The following ATXN1 variants were observed in gnomAD, a reference collection of about 807,000 sequenced individuals.
The protein encoded by ATXN1 is ataxin-1.
A neutral mutation model predicts 56.4 loss-of-function variants in ATXN1; 8 were observed. The observed-to-expected ratio is 0.14, with a 90% CI of 0.08 to 0.26. The LOEUF is 0.26. ATXN1 is among the 10% of genes least tolerant of loss of function. ATXN1 has a pLI of 1.00. For missense variants in ATXN1, 987 were observed against 1,106.5 expected, an observed-to-expected ratio of 0.89 and a Z score of 1.53; for synonymous variants, 514 against 494.6, an observed-to-expected ratio of 1.04 and a Z score of -0.52.
At chr6:16,362,871 A>T (rs1473622267) in intron 6 of ATXN1, among the ~76,000 whole-genome samples, 1 of 152,232 alleles carries the variant, frequency 6.6e-6, no homozygotes, top group Non-Finnish European at 1.5e-5. Flanking sequence ...TAGGAATAAT[A>T]ACAGCTAATA....
At chr6:16,545,681 AT>A (rs1287981312) in intron 4 of ATXN1, among the ~76,000 whole-genome samples, 2 of 152,212 alleles carry the variant, frequency 1.3e-5, no homozygotes, top group Non-Finnish European at 2.9e-5. Context: ...CAGTTTCAAA[AT>A]AGGACCTAAA....
chr6:16,680,815 G>A (rs1454578251), intron 2 of ATXN1, among the ~76,000 whole-genome samples: 1 of 152,082 alleles, frequency 6.6e-6, no homozygotes, highest in Non-Finnish European at 1.5e-5. Context: ...CCCCTCTTTA[G>A]GACTAAACAG....
chr6:16,370,515 A>G (rs1404631035), intron 6 of ATXN1, among the ~76,000 whole-genome samples: 2 of 152,226 alleles, frequency 1.3e-5, no homozygotes, highest in Non-Finnish European at 2.9e-5. Flanking sequence ...ACAATGCACA[A>G]CTAAGATAGC....
chr6:16,394,318 G>A (rs894269143), intron 6 of ATXN1, among the ~76,000 whole-genome samples: 7 of 152,020 alleles, frequency 4.6e-5, no homozygotes, highest in African/African-American at 7.2e-5. Flanking sequence ...ATTTTTTCCC[G>A]AACCCTTAAG....
At chr6:16,518,216 C>T (rs1661419914) in intron 5 of ATXN1, among the ~76,000 whole-genome samples, 1 of 152,168 alleles carries the variant, frequency 6.6e-6, no homozygotes, top group Non-Finnish European at 1.5e-5. Context: ...AAGGAAACGC[C>T]ACGCCCCACC....
intron 5 of ATXN1, among the ~76,000 whole-genome samples, chr6:16,493,428 C>G (rs1309263207): frequency 6.6e-6 from 1 of 150,388 alleles, no homozygotes; most frequent in East Asian, 1.9e-4. Flanking sequence ...TCTTATTCTA[C>G]AACTTTCTCA....
intron 7 of ATXN1, among the ~76,000 whole-genome samples, chr6:16,309,786 C>A (rs1202893182): frequency 6.6e-6 from 1 of 152,090 alleles, no homozygotes; most frequent in Non-Finnish European, 1.5e-5. Context: ...GTAATCCCAG[C>A]ACTTTGGGAG....
intron 6 of ATXN1, among the ~76,000 whole-genome samples, chr6:16,343,727 TG>T: frequency 6.6e-6 from 1 of 152,122 alleles, no homozygotes; most frequent in Non-Finnish European, 1.5e-5. Context: ...TGGAAAACCT[TG>T]ACGATGCGCG....
chr6:16,654,250 G>C (rs1169543996), intron 3 of ATXN1, among the ~76,000 whole-genome samples: 1 of 152,134 alleles, frequency 6.6e-6, no homozygotes, highest in Non-Finnish European at 1.5e-5. Flanking sequence ...AGTTCATAAA[G>C]AGAGACTGCT....
intron 2 of ATXN1, among the ~76,000 whole-genome samples, chr6:16,747,537 A>G (rs1167532156): frequency 6.6e-6 from 1 of 152,184 alleles, no homozygotes; most frequent in East Asian, 1.9e-4. Flanking sequence ...ATAAAAATGC[A>G]TCACATATGA....
At chr6:16,395,991 G>A (rs1348879629) in intron 6 of ATXN1, among the ~76,000 whole-genome samples, 2 of 137,684 alleles carry the variant, frequency 1.5e-5, no homozygotes, top group Non-Finnish European at 3.1e-5. Context: ...CTCCAGCCTG[G>A]TGACAGAGCG....
At chr6:16,451,719 C>T (rs1173718782) in intron 6 of ATXN1, among the ~76,000 whole-genome samples, 2 of 151,852 alleles carry the variant, frequency 1.3e-5, no homozygotes, top group Non-Finnish European at 2.9e-5. Context: ...CGTGCCATTG[C>T]TCTCCAGCGT....
intron 2 of ATXN1, among the ~76,000 whole-genome samples, chr6:16,714,912 G>T (rs1759606424): frequency 2.0e-5 from 3 of 151,524 alleles, no homozygotes; most frequent in Admixed American, 2.0e-4. Flanking sequence ...ACAGAAACTG[G>T]CTTCCCTACA....
chr6:16,616,365 C>A (rs967524095), intron 3 of ATXN1, among the ~76,000 whole-genome samples: 2 of 151,316 alleles, frequency 1.3e-5, no homozygotes, highest in African/African-American at 2.4e-5. Flanking sequence ...CATGGTGAAA[C>A]CCTGTCTCTA....
intron 6 of ATXN1, among the ~76,000 whole-genome samples, chr6:16,393,265 AT>A (rs1242539807): frequency 6.6e-6 from 1 of 151,548 alleles, no homozygotes; most frequent in Non-Finnish European, 1.5e-5. Context: ...GTATATATTT[AT>A]TTTTTTTAGA....
At chr6:16,471,388 T>C (rs758875979) in intron 6 of ATXN1, among the ~76,000 whole-genome samples, 1 of 152,208 alleles carries the variant, frequency 6.6e-6, no homozygotes, top group Non-Finnish European at 1.5e-5. Context: ...ACGAAGTAAA[T>C]GGAGATGCCT....
chr6:16,369,415 C>T (rs1033677349), intron 6 of ATXN1, among the ~76,000 whole-genome samples: 5 of 152,302 alleles, frequency 3.3e-5, no homozygotes, highest in South Asian at 2.1e-4. Context: ...CCTTCCCTCA[C>T]GGTTATGGCC....
At chr6:16,551,951 T>C (rs1330223520) in intron 4 of ATXN1, among the ~76,000 whole-genome samples, 1 of 152,114 alleles carries the variant, frequency 6.6e-6, no homozygotes, top group Non-Finnish European at 1.5e-5. Context: ...AAAAATCAAG[T>C]CTATGTTAGT....
At chr6:16,714,495 C>T (rs1581388417) in intron 2 of ATXN1, among the ~76,000 whole-genome samples, 1 of 152,250 alleles carries the variant, frequency 6.6e-6, no homozygotes, top group South Asian at 2.1e-4. Flanking sequence ...AAATTATATA[C>T]ATATTCATTT....
Sources: gnomAD v4.1 joint callset for allele counts (sites outside exome capture counted in the v4.1 genomes callset) on GRCh38, gnomAD v4.1.1 for gene constraint, MANE v1.5 for transcripts, NCBI Gene and HGNC (gene_info 2026-07-23, HGNC 2026-07-21) for gene names.